Variants in CADPS2 observed in about 807,000 individuals in gnomAD.
CADPS2 encodes the protein calcium-dependent secretion activator 2.
CADPS2 carries 93 observed loss-of-function variants against 172.5 expected under a neutral mutation model. That is an observed-to-expected ratio of 0.54 (90% CI 0.46 to 0.64). CADPS2 has a LOEUF of 0.64. Ranked by LOEUF, CADPS2 falls within the 30% of genes least tolerant of loss-of-function variation. CADPS2 has a pLI of 0.00. For synonymous variants in CADPS2, 546 were observed against 555.2 expected, an observed-to-expected ratio of 0.98 and a Z score of 0.23; for missense variants, 1,420 against 1,565.9, an observed-to-expected ratio of 0.91 and a Z score of 1.57.
intron 25 of CADPS2, among the ~76,000 whole-genome samples, chr7:122,369,020 A>G (rs1470785424): frequency 6.6e-6 from 1 of 152,126 alleles, no homozygotes; most frequent in African/African-American, 2.4e-5. Context: ...TAAAGTGGCA[A>G]TAAATATGAC....
chr7:122,807,302 C>T lies in CADPS2; in HGVS notation c.340-70234G>A, dbSNP rs79718053. Among the ~76,000 whole-genome samples, 25 of 152,300 alleles carry T rather than the reference C, an allele frequency of 1.6e-4. No individual in the cohort carries two copies. In the East Asian group the frequency reaches 4.8e-3, roughly 29 times the overall value. On this transcript the variant is annotated intron_variant, in intron 1 of 29. Transcript: ENST00000449022. Reference sequence around the variant, plus strand: ...CATCACTTAGCCAGTGATCATATCCCCAGTGCCTGAATCCCTCCATGTGTC... The same window carrying T: ...CATCACTTAGCCAGTGATCATATCCTCAGTGCCTGAATCCCTCCATGTGTC...
At chr7:122,537,673 A>C (rs1216191157) in intron 8 of CADPS2, among the ~76,000 whole-genome samples, 1 of 151,922 alleles carries the variant, frequency 6.6e-6, no homozygotes, top group Non-Finnish European at 1.5e-5. Flanking sequence ...AACACAACCC[A>C]ACAATCCTAG....
At chr7:122,494,239 A>G (rs1484708785) in intron 9 of CADPS2, among the ~76,000 whole-genome samples, 1 of 152,182 alleles carries the variant, frequency 6.6e-6, no homozygotes, top group Non-Finnish European at 1.5e-5. Context: ...GAGAACTCTT[A>G]CTGATACAGT....
intron 2 of CADPS2, among the ~76,000 whole-genome samples, chr7:122,691,888 T>G (rs2084420862): frequency 2.0e-5 from 3 of 152,216 alleles, no homozygotes; most frequent in Non-Finnish European, 4.4e-5. Flanking sequence ...GACAGCCAAG[T>G]GGCGAACGCC....
chr7:122,811,535 T>C (rs2140166482), intron 1 of CADPS2, among the ~76,000 whole-genome samples: 1 of 152,332 alleles, frequency 6.6e-6, no homozygotes, highest in Non-Finnish European at 1.5e-5. Context: ...TAATTTAAAC[T>C]ATTTGCATTT....
chr7:122,669,251 A>T (rs1220628092), intron 2 of CADPS2, among the ~76,000 whole-genome samples: 3 of 152,042 alleles, frequency 2.0e-5, no homozygotes, highest in African/African-American at 7.2e-5. Context: ...AGATCGCTCA[A>T]TCCCAAAAGC....
intron 1 of CADPS2, among the ~76,000 whole-genome samples, chr7:122,793,671 T>C (rs753362390): frequency 6.6e-5 from 10 of 152,152 alleles, no homozygotes; most frequent in Non-Finnish European, 1.3e-4. Flanking sequence ...CCTATCCTCA[T>C]GATGTTAGCT....
At chr7:122,587,581 T>C (rs2069944818) in intron 6 of CADPS2, among the ~76,000 whole-genome samples, 1 of 152,174 alleles carries the variant, frequency 6.6e-6, no homozygotes, top group African/African-American at 2.4e-5. Context: ...AACATATGCA[T>C]GCATGTATCT....
chr7:122,706,735 T>C (rs569869872), intron 2 of CADPS2, among the ~76,000 whole-genome samples: 12 of 147,566 alleles, frequency 8.1e-5, no homozygotes, highest in Non-Finnish European at 1.5e-4. Flanking sequence ...TATATACTTA[T>C]ATAAGAGCAA....
chr7:122,356,658 C>A (rs932164459), intron 27 of CADPS2, among the ~76,000 whole-genome samples: 1 of 152,116 alleles, frequency 6.6e-6, no homozygotes, highest in Non-Finnish European at 1.5e-5. Context: ...TTATGTACTT[C>A]AATATTTACT....
chr7:122,541,647 A>G (rs930235901), intron 8 of CADPS2, among the ~76,000 whole-genome samples: 2 of 145,466 alleles, frequency 1.4e-5, no homozygotes, highest in Non-Finnish European at 3.0e-5. Context: ...ATTCATATAT[A>G]TTCATATCTT....
chr7:122,621,667 T>C lies in CADPS2; in HGVS notation c.918A>G (p.Ile306Met), dbSNP rs2075618954. Residue 306 changes from isoleucine to methionine, a missense_variant, in exon 5 of 30, where the codon ATA becomes ATG. By Grantham distance (10) the Ile-to-Met change is conservative. Coordinates refer to ENST00000449022, the MANE Select transcript of CADPS2 (RefSeq NM_017954.11). ...FIAKDMENMYIEELRSSVNLL... is the reference protein window; with the variant it reads ...FIAKDMENMYMEELRSSVNLL... ...AATTCACTGAAGACCGCAACTCTTCTATATACATATTCTCCATATCTTTTG... is the reference window on the plus strand; with the variant it reads ...AATTCACTGAAGACCGCAACTCTTCCATATACATATTCTCCATATCTTTTG... 1 of 1,613,002 alleles carries C rather than the reference T, an allele frequency of 6.2e-7. No homozygotes were observed. Among genetic ancestry groups the C allele is most frequent in the Admixed American group, 1.7e-5 (1 of 59,928 alleles).
intron 14 of CADPS2, among the ~76,000 whole-genome samples, chr7:122,456,392 TC>T (rs2152071804): frequency 6.6e-6 from 1 of 152,218 alleles, no homozygotes; most frequent in South Asian, 2.1e-4. Flanking sequence ...GTCTTATGTA[TC>T]AATATTTAAT....
chr7:122,398,425 TCTC>T lies in CADPS2; in HGVS notation c.2747-4846_2747-4844del, dbSNP rs2045455018. 1.3e-5 allele frequency among the ~76,000 whole-genome samples: 2 copies of T among 152,176 alleles called. 1 individual carries two copies. The highest frequency in any genetic ancestry group is 1.3e-4 in the Admixed American group (2 of 15,278). ...GTGGATTACTAGAAAGAATGATTTT[TCTC>T]CTCAAACTTCTCATTAGGCATTTCA... On this transcript the variant is annotated intron_variant, in intron 20 of 29. Coordinates refer to ENST00000449022, the MANE Select transcript of CADPS2 (RefSeq NM_017954.11).
At chr7:122,484,897 A>G (rs2057654186) in intron 11 of CADPS2, among the ~76,000 whole-genome samples, 3 of 142,878 alleles carry the variant, frequency 2.1e-5, no homozygotes, top group African/African-American at 7.8e-5. Context: ...TGCTCATATC[A>G]TGACGTGCTC....
intron 8 of CADPS2, among the ~76,000 whole-genome samples, chr7:122,553,898 T>A (rs369426513): frequency 6.6e-6 from 1 of 152,146 alleles, no homozygotes. Flanking sequence ...GAGGAAGTCC[T>A]GGATTTTTGG....
intron 25 of CADPS2, among the ~76,000 whole-genome samples, chr7:122,369,142 C>CT (rs774649759): frequency 2.9e-4 from 9 of 31,210 alleles, no homozygotes; most frequent in East Asian, 3.5e-3. Context: ...CCCCCCCCCC[C>CT]TTTTTTTTTT....
chr7:122,876,827 G>A (rs1821339226), intron 1 of CADPS2, among the ~76,000 whole-genome samples: 1 of 151,822 alleles, frequency 6.6e-6, no homozygotes, highest in Admixed American at 6.6e-5. Context: ...TGAATAAGAA[G>A]AAAAAGCAAT....
intron 2 of CADPS2, among the ~76,000 whole-genome samples, chr7:122,692,290 G>C (rs1293349545): frequency 6.6e-6 from 1 of 152,074 alleles, no homozygotes; most frequent in Admixed American, 6.5e-5. Flanking sequence ...GGGTCCCTAG[G>C]CTCACCCTTG....
Sources: gnomAD v4.1 joint callset for allele counts (sites outside exome capture counted in the v4.1 genomes callset) on GRCh38, gnomAD v4.1.1 for gene constraint, MANE v1.5 for transcripts, NCBI Gene and HGNC (gene_info 2026-07-23, HGNC 2026-07-21) for gene names.